Variants in ZFHX3 observed in about 807,000 individuals in gnomAD.
The protein encoded by ZFHX3 is zinc finger homeobox protein 3.
In ZFHX3, 42 loss-of-function variants were observed where a neutral mutation model predicts 279.1. That is an observed-to-expected ratio of 0.15 (90% confidence interval 0.12 to 0.19). The LOEUF (loss-of-function observed/expected upper bound fraction) is 0.19. ZFHX3 is among the 10% of genes least tolerant of loss of function. The pLI is 1.00. For synonymous variants in ZFHX3, 2,293 were observed against 1,957.8 expected, an observed-to-expected ratio of 1.17 and a Z score of -4.52; for missense variants, 4,981 against 4,754.0, an observed-to-expected ratio of 1.05 and a Z score of -1.40.
intron 3 of ZFHX3, among the ~76,000 whole-genome samples, chr16:72,916,277 G>C (rs911781233): frequency 1.3e-5 from 2 of 152,164 alleles, no homozygotes; most frequent in African/African-American, 4.8e-5. Flanking sequence ...AATGACATTT[G>C]ATTTTGTATC....
At chr16:72,947,764 C>A (rs1458327283) in intron 3 of ZFHX3, among the ~76,000 whole-genome samples, 1 of 152,024 alleles carries the variant, frequency 6.6e-6, no homozygotes, top group Non-Finnish European at 1.5e-5. Flanking sequence ...CCGGTCAGCT[C>A]CCCGGGTCAG....
chr16:73,454,289 G>C (rs780858467), intron 3 of ZFHX3, among the ~76,000 whole-genome samples: 16 of 152,184 alleles, frequency 1.1e-4, no homozygotes, highest in South Asian at 2.1e-4. Context: ...TTATTCTAGA[G>C]AGAAAATCCA....
rs57972353 is a variant in ZFHX3, at chr16:73,104,221, G to GTATGTATTTATTTATTTATT, written c.-896-10624_-896-10623insAATAAATAAATAAATACATA. 5.6e-4 allele frequency among the ~76,000 whole-genome samples: 85 copies of GTATGTATTTATTTATTTATT among 151,624 alleles called. 1 individual carries two copies. Among genetic ancestry groups the GTATGTATTTATTTATTTATT allele is most frequent in the African/African-American group, 6.3e-4 (26 of 41,286 alleles). On this transcript the variant is annotated intron_variant, in intron 7 of 17. Coordinates refer to the ZFHX3 transcript ENST00000641206. ...TGTGCTCCCTATGGATTTATTTTAT[G>GTATGTATTTATTTATTTATT]TATTTATTTATTTATTTTATTTTTT...
intron 1 of ZFHX3, among the ~76,000 whole-genome samples, chr16:73,865,482 T>C (rs148791388): frequency 1.1e-3 from 171 of 152,288 alleles, no homozygotes; most frequent in African/African-American, 3.6e-3. Context: ...CCCAGTTTCC[T>C]GGAACTGAGA....
intron 2 of ZFHX3, among the ~76,000 whole-genome samples, chr16:73,493,200 C>T (rs1255183212): frequency 6.6e-6 from 1 of 152,128 alleles, no homozygotes. Context: ...TTCCAACAGA[C>T]TATGCATCAC....
At chr16:73,018,702 C>G (rs535128712) in intron 1 of ZFHX3, among the ~76,000 whole-genome samples, 1 of 152,304 alleles carries the variant, frequency 6.6e-6, no homozygotes, top group South Asian at 2.1e-4. Flanking sequence ...TGTTATCATA[C>G]TCTCTTCACT....
intron 7 of ZFHX3, chr16:73,127,651 T>C (rs1430798990): frequency 2.4e-5 from 29 of 1,231,502 alleles, no homozygotes; most frequent in Non-Finnish European, 2.8e-5. Flanking sequence ...TATGGAACAG[T>C]TGCTGATTAA....
intron 7 of ZFHX3, among the ~76,000 whole-genome samples, chr16:73,118,284 C>T (rs1477536343): frequency 6.6e-6 from 1 of 152,206 alleles, no homozygotes; most frequent in Non-Finnish European, 1.5e-5. Context: ...TTTCGGCTCG[C>T]TGCAACCTCC....
At position 73,296,886 on chromosome 16, in the gene ZFHX3, T is replaced by C. The variant is rs1434017528; in HGVS notation, c.-1194+21354A>G. On this transcript the variant is annotated intron_variant, in intron 4 of 17. Coordinates refer to the ZFHX3 transcript ENST00000641206. ...GCCATGTGAAGCAGGAATTTTTTTT[T>C]TTTTTTTTTTGAGACGGAGTCTCTT... Among the ~76,000 whole-genome samples the C allele has an allele frequency of 2.8e-5, 4 of 143,964 alleles. No homozygotes were observed. The East Asian group carries it at 7.8e-4, about 28-fold the overall frequency. The allele number at this position is 143,964 out of a possible 152,430, so 94.4% of individuals were successfully genotyped here.
At chr16:73,569,571 G>A (rs2051714041) in intron 2 of ZFHX3, among the ~76,000 whole-genome samples, 1 of 151,786 alleles carries the variant, frequency 6.6e-6, no homozygotes, top group Non-Finnish European at 1.5e-5. Flanking sequence ...AGGTCACAGG[G>A]AGATTCACCT....
intron 5 of ZFHX3, among the ~76,000 whole-genome samples, chr16:73,247,826 A>G (rs1237499673): frequency 1.3e-5 from 2 of 150,954 alleles, no homozygotes; most frequent in South Asian, 2.1e-4. Flanking sequence ...GTGTTTGTAT[A>G]CTATGTATAT....
intron 1 of ZFHX3, among the ~76,000 whole-genome samples, chr16:73,002,508 G>A (rs1963535056): frequency 6.6e-6 from 1 of 152,128 alleles, no homozygotes; most frequent in Non-Finnish European, 1.5e-5. Context: ...AGTTTGCTTT[G>A]AAATTCAGTG....
At chr16:73,818,569 G>C (rs1251847102) in intron 1 of ZFHX3, among the ~76,000 whole-genome samples, 1 of 152,184 alleles carries the variant, frequency 6.6e-6, no homozygotes, top group Non-Finnish European at 1.5e-5. Flanking sequence ...GCTCAACTTT[G>C]TATCAAAGCA....
chr16:73,036,061 G>C (rs1287201955), intron 1 of ZFHX3, among the ~76,000 whole-genome samples: 1 of 152,202 alleles, frequency 6.6e-6, no homozygotes. Context: ...ATGCCCAGCA[G>C]GGGCCTGGTG....
chr16:73,574,441 T>C (rs2143811853), intron 2 of ZFHX3, among the ~76,000 whole-genome samples: 1 of 152,296 alleles, frequency 6.6e-6, no homozygotes, highest in South Asian at 2.1e-4. Context: ...CCTAGGGGAT[T>C]TTTATTTGCC....
chr16:73,419,933 G>T (rs913591896), intron 3 of ZFHX3, among the ~76,000 whole-genome samples: 8 of 151,088 alleles, frequency 5.3e-5, no homozygotes, highest in Non-Finnish European at 8.8e-5. Context: ...TGGAGACAGG[G>T]TCTCACTCTG....
chr16:72,868,189 CACT>C (rs774271351), intron 4 of ZFHX3, among the ~76,000 whole-genome samples: 8 of 152,190 alleles, frequency 5.3e-5, no homozygotes, highest in Non-Finnish European at 1.2e-4. Context: ...GGTACAGATT[CACT>C]GCTATATTCA....
chr16:73,486,639 A>G, intron 2 of ZFHX3: 1 of 343,590 alleles, frequency 2.9e-6, no homozygotes, highest in Non-Finnish European at 5.8e-6. Flanking sequence ...AAACACCAAA[A>G]TTAACTGGAT....
chr16:72,858,355 T>C (rs1318882777), intron 4 of ZFHX3, among the ~76,000 whole-genome samples: 1 of 152,228 alleles, frequency 6.6e-6, no homozygotes, highest in East Asian at 1.9e-4. Flanking sequence ...AATGTTCCCT[T>C]TGTGAACACA....
Sources: allele counts gnomAD v4.1 joint callset (sites outside exome capture counted in the v4.1 genomes callset), GRCh38; gene constraint gnomAD v4.1.1; transcripts MANE v1.5; gene names NCBI Gene and HGNC (gene_info 2026-07-23, HGNC 2026-07-21).